The following TYW1 variants were observed in gnomAD, a reference collection of about 807,000 sequenced individuals.
The protein encoded by TYW1 is tRNA-yW synthesizing protein 1 homolog, also known as S-adenosyl-L-methionine-dependent tRNA 4-demethylwyosine synthase TYW1.
Under a neutral mutation model 96.2 loss-of-function variants are expected in TYW1, and 46 were observed. That is an observed-to-expected ratio of 0.48 (90% CI 0.38 to 0.61). TYW1 has a LOEUF of 0.61. TYW1 is among the 20% of genes least tolerant of loss of function. The probability of loss-of-function intolerance (pLI) is 0.00; values close to 1 mark genes in which losing one functional copy is unlikely to be tolerated. For synonymous variants in TYW1, 274 were observed against 323.0 expected (o/e 0.85, Z 1.63); for missense variants, 684 against 909.6 (o/e 0.75, Z 3.19).
Position 67,175,017 on chromosome 7 carries a change from C to T in TYW1, c.1699-8109C>T, listed in dbSNP as rs1453414588. On this transcript the variant is annotated intron_variant, in intron 13 of 15. Coordinates refer to ENST00000359626, the MANE Select transcript of TYW1 (RefSeq NM_018264.4). The stretch of plus-strand genomic sequence containing the variant: ...ATAAATTGCTTTTTTAAATTTAAAA[C>T]CTCGTCCAAAGGAAACTCCAGGCCC... Among the ~76,000 whole-genome samples the T allele has an allele frequency of 6.6e-5, 10 of 151,446 alleles. No individual in the cohort carries two copies. The East Asian group carries it at 7.7e-4, about 12-fold the overall frequency.
At chr7:67,043,847 G>A (rs1242881737) in intron 7 of TYW1, among the ~76,000 whole-genome samples, 1 of 152,042 alleles carries the variant, frequency 6.6e-6, no homozygotes, top group Admixed American at 6.6e-5. Flanking sequence ...AGTTCAAAAG[G>A]CATTTTTAGA....
At chr7:67,092,972 C>T (rs1164962156) in intron 11 of TYW1, among the ~76,000 whole-genome samples, 1 of 151,898 alleles carries the variant, frequency 6.6e-6, no homozygotes, top group African/African-American at 2.4e-5. Context: ...CGTGAGCCAC[C>T]ACGCCCGGCC....
At chr7:67,164,891 T>C (rs1279220671) in intron 13 of TYW1, among the ~76,000 whole-genome samples, 1 of 152,020 alleles carries the variant, frequency 6.6e-6, no homozygotes, top group East Asian at 1.9e-4. Flanking sequence ...AGTGTCTCGT[T>C]ATTATAAAGC....
intron 3 of TYW1, among the ~76,000 whole-genome samples, chr7:67,006,977 T>TTTTTTTA (rs1562962029): frequency 1.8e-5 from 2 of 113,140 alleles, no homozygotes; most frequent in African/African-American, 3.2e-5. Context: ...TTTTTTTTTT[T>TTTTTTTA]AACAGCCATC....
intron 10 of TYW1, among the ~76,000 whole-genome samples, chr7:67,068,913 C>T (rs190606596): frequency 2.0e-5 from 3 of 152,314 alleles, no homozygotes; most frequent in African/African-American, 7.2e-5. Flanking sequence ...GACATTTCTT[C>T]TCTTTTTCTC....
chr7:67,074,722 A>T (rs1431995599), intron 10 of TYW1, among the ~76,000 whole-genome samples: 1 of 152,238 alleles, frequency 6.6e-6, no homozygotes, highest in South Asian at 2.1e-4. Context: ...GGATTCTTAA[A>T]ATAGCCTCTG....
intron 4 of TYW1, among the ~76,000 whole-genome samples, chr7:67,012,675 G>C (rs1793854750): frequency 6.6e-6 from 1 of 152,148 alleles, no homozygotes; most frequent in South Asian, 2.1e-4. Context: ...AATTTCTGGA[G>C]CGCTGACAGG....
Position 67,199,670 on chromosome 7 carries a change from A to T in TYW1, c.1977+4333A>T, listed in dbSNP as rs1584687185. 3.3e-5 allele frequency among the ~76,000 whole-genome samples: 5 copies of T among 151,942 alleles called. No homozygotes were observed. The East Asian group carries it at 9.7e-4, about 29-fold the overall frequency. ...TTATCAGTACGGACTCAGGAATTCTACTCTTTGTCCCAGTGGGTCATTATT... is the reference window on the plus strand; with the variant it reads ...TTATCAGTACGGACTCAGGAATTCTTCTCTTTGTCCCAGTGGGTCATTATT... On this transcript the variant is annotated intron_variant, in intron 15 of 15. Transcript: ENST00000359626.
intron 15 of TYW1, among the ~76,000 whole-genome samples, chr7:67,199,947 G>A (rs1800536862): frequency 6.6e-6 from 1 of 152,132 alleles, no homozygotes; most frequent in Non-Finnish European, 1.5e-5. Flanking sequence ...GAGGGAGGGA[G>A]GATGGAAGGA....
chr7:67,017,113 G>A (rs571208462), intron 5 of TYW1, among the ~76,000 whole-genome samples: 2 of 150,432 alleles, frequency 1.3e-5, no homozygotes, highest in African/African-American at 4.9e-5. Flanking sequence ...CTTACAAGTA[G>A]CCTGAATTAT....
At chr7:67,055,356 G>A (rs1398229803) in intron 8 of TYW1, among the ~76,000 whole-genome samples, 1 of 152,130 alleles carries the variant, frequency 6.6e-6, no homozygotes, top group Non-Finnish European at 1.5e-5. Context: ...CAGCACTTTG[G>A]GAGGCGGAGG....
chr7:67,207,908 A>T (rs940881560), intron 15 of TYW1, among the ~76,000 whole-genome samples: 1 of 151,938 alleles, frequency 6.6e-6, no homozygotes, highest in Non-Finnish European at 1.5e-5. Context: ...TTTAGTAGAG[A>T]TGGGGTTTTA....
intron 10 of TYW1, 105 bp from the exon 11 acceptor site, chr7:67,083,325 C>T (rs2115772824): frequency 8.9e-7 from 1 of 1,124,434 alleles, no homozygotes; most frequent in South Asian, 1.4e-5. Flanking sequence ...TAGGAGGAAA[C>T]CAGTCCTGAT....
chr7:67,100,379 G>A (rs1195341271), intron 12 of TYW1, among the ~76,000 whole-genome samples: 2 of 151,600 alleles, frequency 1.3e-5, no homozygotes, highest in East Asian at 3.9e-4. Context: ...CGATTAGACT[G>A]CAAGTTCCTT....
At chr7:67,163,961 G>T (rs1269287437) in intron 13 of TYW1, among the ~76,000 whole-genome samples, 1 of 152,100 alleles carries the variant, frequency 6.6e-6, no homozygotes, top group Non-Finnish European at 1.5e-5. Context: ...AAACCACCAC[G>T]CCTGGCAGAG....
intron 14 of TYW1, among the ~76,000 whole-genome samples, chr7:67,189,445 ATG>A (rs754006803): frequency 6.7e-6 from 1 of 148,172 alleles, no homozygotes; most frequent in South Asian, 2.1e-4. Flanking sequence ...ATGTGTATGT[ATG>A]TGTGTGTGTT....
rs186025729 is a variant in TYW1 at position 67,100,834 on chromosome 7, A to C, written c.1562+2116A>C. Reference sequence around the variant, plus strand: ...AGCCAAGATCACGCCACTGCACTCCAGCCTGGGCTACAGAGCAAAAAAAAA... The same window carrying C: ...AGCCAAGATCACGCCACTGCACTCCCGCCTGGGCTACAGAGCAAAAAAAAA... On this transcript the variant is annotated intron_variant, in intron 12 of 15. Transcript: ENST00000359626. 9.1e-3 allele frequency among the ~76,000 whole-genome samples: 1,238 copies of C among 136,436 alleles called. 23 individuals are homozygous for C. Among genetic ancestry groups the C allele is most frequent in the African/African-American group, 0.032 (1,137 of 35,426 alleles). The allele number at this position is 136,436 out of a possible 152,430, so 89.5% of individuals were successfully genotyped here. A position where few individuals can be genotyped will look rare whatever the true frequency, so the allele number is the denominator to read the frequency against.
intron 15 of TYW1, 142 bp from the exon 16 acceptor site, chr7:67,238,165 AG>A (rs1335019834): frequency 8.3e-7 from 1 of 1,198,226 alleles, no homozygotes; most frequent in Non-Finnish European, 1.1e-6. Flanking sequence ...AACATGGAAG[AG>A]GTTTTTTTGT....
intron 10 of TYW1, among the ~76,000 whole-genome samples, chr7:67,073,032 T>C (rs1244369320): frequency 1.4e-5 from 2 of 144,998 alleles, no homozygotes; most frequent in African/African-American, 2.5e-5. Flanking sequence ...AGTCCTCTCC[T>C]CTTAGCCTCC....
Sources: allele counts gnomAD v4.1 joint callset (sites outside exome capture counted in the v4.1 genomes callset), GRCh38; gene constraint gnomAD v4.1.1; transcripts MANE v1.5; gene names NCBI Gene and HGNC (gene_info 2026-07-23, HGNC 2026-07-21).